Variants in CEP192 observed in about 807,000 individuals in gnomAD.
The protein encoded by CEP192 is centrosomal protein of 192 kDa.
Under a neutral mutation model 271.8 loss-of-function variants are expected in CEP192, and 151 were observed. The observed-to-expected ratio is 0.56, with a 90% CI of 0.49 to 0.64. The LOEUF is 0.64. CEP192 is among the 30% of genes least tolerant of loss of function. The pLI is 0.00. For synonymous variants in CEP192, 995 were observed against 1,076.5 expected, an observed-to-expected ratio of 0.92 and a Z score of 1.48; for missense variants, 2,910 against 3,020.5, an observed-to-expected ratio of 0.96 and a Z score of 0.86.
At position 13,092,457 on chromosome 18, in the gene CEP192, G is replaced by A. The variant is rs562893995; in HGVS notation, c.6184G>A (p.Glu2062Lys). ...TAAAATTATACTTTCAGTAATTGGA[G>A]AATTCAGAGATTGCATTTCTAGCAG... Reference protein sequence around the residue: ...MCKIILSVIGEFRDCISSREF... With the variant: ...MCKIILSVIGKFRDCISSREF... The change falls in exon 34 of 45, where the codon GAA (glutamate) becomes AAA (lysine). Residue 2062 changes from glutamate (E) to lysine (K), a missense_variant. Glu to Lys is a moderately conservative substitution (Grantham distance 56). Transcript: ENST00000506447. The A allele has an allele frequency of 3.1e-6, 5 of 1,607,530 alleles. No individual in the cohort carries two copies. In the African/African-American group the frequency reaches 6.7e-5, roughly 21 times the overall value.
Position 13,087,582 on chromosome 18 carries a change from G to T in CEP192, c.5929G>T (p.Ala1977Ser). 2 of 1,585,100 alleles carry T rather than the reference G, an allele frequency of 1.3e-6. No individual in the cohort carries two copies. Among genetic ancestry groups the T allele is most frequent in the Non-Finnish European group, 8.6e-7 (1 of 1,165,688 alleles). ...PSDRGINNKT[A>S]TELSTVYLFG... ...AGACAGAGGAATCAATAATAAAACT[G>T]CAACAGAACTATCAACTGTATACTT... Residue 1977 changes from alanine (A) to serine (S), a missense_variant, in exon 32 of 45, where the codon GCA becomes TCA. Physicochemically the swap from Ala to Ser is moderately conservative, Grantham distance 99 (BLOSUM62 1). Transcript: ENST00000506447.
rs2143744182 is a variant in CEP192, at chr18:13,038,358, C to T, written c.1600-12C>T. On this transcript the variant is annotated splice_polypyrimidine_tract_variant and intron_variant, in intron 12 of 44. Transcript: ENST00000506447. ...CTGGGGGAAAGAAACGAAACAATAA[C>T]TTTCTCCCTAGGAAGAAAACATAGA... is the stretch of plus-strand genomic sequence containing the variant. 2 of 1,541,654 alleles carry T rather than the reference C, an allele frequency of 1.3e-6. No homozygotes were observed. The highest frequency in any genetic ancestry group is 2.4e-5 in the East Asian group (1 of 40,828).
intron 44 of CEP192, among the ~76,000 whole-genome samples, chr18:13,119,863 C>T (rs2040586993): frequency 6.6e-6 from 1 of 152,184 alleles, no homozygotes; most frequent in Non-Finnish European, 1.5e-5. Context: ...ATACCTCATC[C>T]TCATCTGTAG....
intron 44 of CEP192, among the ~76,000 whole-genome samples, chr18:13,121,484 G>A (rs1010634933): frequency 1.5e-4 from 23 of 152,206 alleles, no homozygotes; most frequent in Non-Finnish European, 2.5e-4. Flanking sequence ...CCCCAAGAAG[G>A]TACAGGGGTT....
Position 13,049,828 on chromosome 18 carries a change from G to C in CEP192, c.2954G>C (p.Arg985Thr). Residue 985 changes from arginine to threonine, a missense_variant, in exon 17 of 45, where the codon AGA becomes ACA. Coordinates refer to ENST00000506447, the MANE Select transcript of CEP192 (RefSeq NM_032142.4). ...RGSEDEQESF[R>T]PSTSPLSHSS... Reference sequence around the variant, plus strand: ...TCAGAGGATGAGCAGGAGAGCTTCAGACCTTCCACGTCACCACTGAGTCAT... The same window carrying C: ...TCAGAGGATGAGCAGGAGAGCTTCACACCTTCCACGTCACCACTGAGTCAT... The C allele has an allele frequency of 5.6e-6, 9 of 1,614,044 alleles. No homozygotes were observed. The highest frequency in any genetic ancestry group is 7.6e-6 in the Non-Finnish European group (9 of 1,179,940).
intron 15 of CEP192, among the ~76,000 whole-genome samples, chr18:13,043,876 G>T (rs773723323): frequency 6.6e-6 from 1 of 151,712 alleles, no homozygotes; most frequent in Non-Finnish European, 1.5e-5. Context: ...AATTTTTGTG[G>T]GTACATAGTA....
intron 21 of CEP192, among the ~76,000 whole-genome samples, chr18:13,063,481 C>A (rs2144285441): frequency 6.6e-6 from 1 of 152,290 alleles, no homozygotes; most frequent in East Asian, 1.9e-4. Context: ...TGTCGAGCAC[C>A]TTTTCATATG....
At chr18:13,098,737 G>A (rs2039550762) in intron 36 of CEP192, among the ~76,000 whole-genome samples, 1 of 150,986 alleles carries the variant, frequency 6.6e-6, no homozygotes, top group African/African-American at 2.4e-5. Flanking sequence ...CCCAGATGAT[G>A]GGCGGCCAGG....
intron 9 of CEP192, among the ~76,000 whole-genome samples, chr18:13,027,587 C>T (rs1281675233): frequency 6.6e-6 from 1 of 152,114 alleles, no homozygotes; most frequent in African/African-American, 2.4e-5. Flanking sequence ...CCCAGTTTAT[C>T]CTGTTACCTT....
At chr18:13,099,216 G>A (rs1248063882) in intron 36 of CEP192, among the ~76,000 whole-genome samples, 6 of 151,398 alleles carry the variant, frequency 4.0e-5, no homozygotes, top group Non-Finnish European at 7.4e-5. Flanking sequence ...GGGAGAGGGC[G>A]GCATGGTTTG....
intron 21 of CEP192, 76 bp downstream of exon 21, chr18:13,059,388 G>A: frequency 1.0e-5 from 13 of 1,254,498 alleles, no homozygotes; most frequent in South Asian, 5.8e-5. Flanking sequence ...GTAAAATTTG[G>A]GAAAAAGAAA....
In CEP192 at chr18:13,040,762, A is replaced by G. The variant is rs957724579; in HGVS notation, c.1810-68A>G. On this transcript the variant is annotated intron_variant, in intron 13 of 44. Coordinates refer to ENST00000506447, the MANE Select transcript of CEP192 (RefSeq NM_032142.4). ...TTTAGCTGTTTTACCACTATTAGAT[A>G]AAACAGTCTAGAATTTCTCAAAGCA... 20 of 1,308,032 alleles carry G rather than the reference A, an allele frequency of 1.5e-5. No individual in the cohort carries two copies. In the African/African-American group the frequency reaches 2.7e-4, roughly 17 times the overall value. 81.0% of individuals were successfully genotyped at this position (1,308,032 alleles called of 1,614,324 possible). A position where few individuals can be genotyped will look rare whatever the true frequency, so the allele number is the denominator to read the frequency against.
intron 40 of CEP192, among the ~76,000 whole-genome samples, chr18:13,105,589 AT>A (rs1568426993): frequency 1.3e-5 from 2 of 152,192 alleles, no homozygotes; most frequent in Admixed American, 6.5e-5. Context: ...TTACTGGCTC[AT>A]TTATTAGACA....
At chr18:12,997,146 G>A (rs2145759168) in intron 1 of CEP192, among the ~76,000 whole-genome samples, 1 of 152,268 alleles carries the variant, frequency 6.6e-6, no homozygotes, top group East Asian at 1.9e-4. Context: ...GCAGTGAGGG[G>A]TTGGGATCGA....
At chr18:13,078,587 AGCATCTGTTGTTTCCTGAC>A (rs1203867795) in intron 30 of CEP192, among the ~76,000 whole-genome samples, 1 of 151,952 alleles carries the variant, frequency 6.6e-6, no homozygotes, top group Non-Finnish European at 1.5e-5. Flanking sequence ...TATCCTCTCC[AGCATCTGTTGTTTCCTGAC>A]TTTTTAATGA....
chr18:13,080,521 C>T (rs1478474200), intron 30 of CEP192, among the ~76,000 whole-genome samples: 2 of 152,148 alleles, frequency 1.3e-5, no homozygotes, highest in African/African-American at 4.8e-5. Context: ...TGCTTATCAG[C>T]TTAAGGAGAT....
intron 38 of CEP192, among the ~76,000 whole-genome samples, chr18:13,101,061 C>T (rs545590214): frequency 3.3e-5 from 5 of 152,298 alleles, no homozygotes; most frequent in East Asian, 1.9e-4. Context: ...CAGTGAAAAT[C>T]GTATTTTGAT....
intron 2 of CEP192, among the ~76,000 whole-genome samples, chr18:12,999,853 A>G (rs1215161747): frequency 8.2e-6 from 1 of 122,510 alleles, no homozygotes; most frequent in Admixed American, 8.9e-5. Context: ...TTTTGTCTAT[A>G]GTGTTTTGGA....
chr18:13,033,573 T>G (rs753575894), intron 11 of CEP192, among the ~76,000 whole-genome samples: 1 of 152,246 alleles, frequency 6.6e-6, no homozygotes, highest in Non-Finnish European at 1.5e-5. Context: ...AATTTATTCT[T>G]CAGATACACT....
Sources: allele counts gnomAD v4.1 joint callset (sites outside exome capture counted in the v4.1 genomes callset), GRCh38; gene constraint gnomAD v4.1.1; transcripts MANE v1.5; gene names NCBI Gene and HGNC (gene_info 2026-07-23, HGNC 2026-07-21).